Variants in TENM4 observed in about 807,000 individuals in gnomAD.
TENM4 encodes the protein teneurin-4.
TENM4 carries 82 observed loss-of-function variants against 243.3 expected under a neutral mutation model. The observed-to-expected ratio is 0.34, with a 90% CI of 0.28 to 0.40. The LOEUF (loss-of-function observed/expected upper bound fraction) is 0.40. Among genes scored for constraint, TENM4 ranks in the 10% least tolerant of loss-of-function variants. TENM4 has a pLI of 1.00. For synonymous variants in TENM4, 1,412 were observed against 1,456.3 expected, an observed-to-expected ratio of 0.97 and a Z score of 0.69; for missense variants, 3,138 against 3,673.3, an observed-to-expected ratio of 0.85 and a Z score of 3.77.
At chr11:78,891,796 T>A (rs1336767218) in intron 7 of TENM4, among the ~76,000 whole-genome samples, 9 of 152,170 alleles carry the variant, frequency 5.9e-5, no homozygotes, top group Admixed American at 5.9e-4. Flanking sequence ...CTGTGCTCTC[T>A]CTCTCTACTT....
At chr11:79,179,120 A>G (rs79079881) in intron 3 of TENM4, among the ~76,000 whole-genome samples, 8,065 of 152,298 alleles carry the variant, frequency 0.053, 281 homozygotes, top group African/African-American at 0.094. Context: ...ATGATGATAT[A>G]CTATATTTTG....
Position 78,670,667 on chromosome 11 carries a change from A to G in TENM4, c.5794-116T>C, listed in dbSNP as rs931553771. ...TGTCCAAGGAGAATCCTGAGTTTCCATGGTTCTCTTGAGTTATGCTCCAAC... is the reference window on the plus strand; with the variant it reads ...TGTCCAAGGAGAATCCTGAGTTTCCGTGGTTCTCTTGAGTTATGCTCCAAC... On this transcript the variant is annotated intron_variant, in intron 31 of 33. Coordinates refer to ENST00000278550, the MANE Select transcript of TENM4 (RefSeq NM_001098816.3). 7 of 1,076,176 alleles carry G rather than the reference A, an allele frequency of 6.5e-6. No homozygotes were observed. The Admixed American group carries it at 9.6e-5, about 15-fold the overall frequency. The allele number at this position is 1,076,176 out of a possible 1,614,324, so 66.7% of individuals were successfully genotyped here.
At chr11:78,687,937 G>A in intron 29 of TENM4, 117 bp downstream of exon 29, 1 of 1,227,572 alleles carries the variant, frequency 8.1e-7, no homozygotes, top group Non-Finnish European at 1.1e-6. Context: ...ACAGAGAGTT[G>A]CAATGCTTTC....
intron 6 of TENM4, among the ~76,000 whole-genome samples, chr11:79,001,377 C>T (rs531363290): frequency 3.2e-4 from 48 of 152,126 alleles, no homozygotes; most frequent in African/African-American, 1.0e-3. Flanking sequence ...GGCTACTGAG[C>T]ACCAGCCTGG....
chr11:79,217,724 A>ATT (rs780243326), intron 2 of TENM4, among the ~76,000 whole-genome samples: 1 of 145,732 alleles, frequency 6.9e-6, no homozygotes, highest in Non-Finnish European at 1.5e-5. Context: ...TCAGGGTAGA[A>ATT]TTTTTTTTTT....
intron 6 of TENM4, among the ~76,000 whole-genome samples, chr11:79,000,728 T>A (rs201699843): frequency 1.3e-5 from 2 of 152,042 alleles, no homozygotes; most frequent in East Asian, 3.9e-4. Context: ...GACAGGGAAG[T>A]TATCAAAAGC....
At chr11:78,934,140 G>C (rs1856731286) in intron 6 of TENM4, among the ~76,000 whole-genome samples, 1 of 152,186 alleles carries the variant, frequency 6.6e-6, no homozygotes, top group African/African-American at 2.4e-5. Context: ...CTGAGGGAAT[G>C]CTGCCTGGGG....
intron 6 of TENM4, among the ~76,000 whole-genome samples, chr11:78,936,014 A>T (rs1186965121): frequency 2.0e-5 from 3 of 152,182 alleles, no homozygotes; most frequent in African/African-American, 7.2e-5. Flanking sequence ...AATTCACTTA[A>T]TGTAACAGTT....
chr11:78,744,151 G>C (rs1462657477), intron 19 of TENM4, among the ~76,000 whole-genome samples: 1 of 152,216 alleles, frequency 6.6e-6, no homozygotes, highest in Admixed American at 6.5e-5. Flanking sequence ...CCTCACTTCA[G>C]AGCCTGTTAA....
At chr11:79,271,391 C>T (rs1279490724) in intron 2 of TENM4, among the ~76,000 whole-genome samples, 2 of 152,174 alleles carry the variant, frequency 1.3e-5, no homozygotes, top group African/African-American at 2.4e-5. Context: ...GTTCTCTTGC[C>T]ATTTATTTGC....
intron 3 of TENM4, among the ~76,000 whole-genome samples, chr11:79,171,472 T>C (rs1229869261): frequency 6.6e-6 from 1 of 152,206 alleles, no homozygotes; most frequent in Non-Finnish European, 1.5e-5. Flanking sequence ...AAGTGGTTAG[T>C]GCCTAAACAA....
intron 6 of TENM4, among the ~76,000 whole-genome samples, chr11:79,041,368 T>A (rs1220390874): frequency 6.6e-6 from 1 of 152,110 alleles, no homozygotes; most frequent in Non-Finnish European, 1.5e-5. Flanking sequence ...CCGGCCTCAT[T>A]TGTCTCTTGA....
intron 17 of TENM4, among the ~76,000 whole-genome samples, chr11:78,774,670 G>A (rs1282862729): frequency 6.6e-6 from 1 of 152,174 alleles, no homozygotes; most frequent in African/African-American, 2.4e-5. Flanking sequence ...AATATGGGGG[G>A]AGTTGGGAAA....
At position 78,883,107 on chromosome 11, in the gene TENM4, T is replaced by G. The variant is rs185967770; in HGVS notation, c.1084+6678A>C. 6.9e-3 allele frequency among the ~76,000 whole-genome samples: 1,056 copies of G among 152,348 alleles called. 6 individuals are homozygous for G. The highest frequency in any genetic ancestry group is 0.011 in the Non-Finnish European group (766 of 68,032). On this transcript the variant is annotated intron_variant, in intron 9 of 33. Coordinates refer to ENST00000278550, the MANE Select transcript of TENM4 (RefSeq NM_001098816.3). ...ACAGGACAATCCACTCCTGCCACAC[T>G]GTGGGTGAGGTCCAAGGACGGGTAA...
intron 1 of TENM4, among the ~76,000 whole-genome samples, chr11:79,407,352 T>C (rs1431546796): frequency 2.6e-5 from 4 of 152,256 alleles, no homozygotes; most frequent in African/African-American, 9.6e-5. Flanking sequence ...AAACTGTTAC[T>C]AATAATAGCT....
chr11:78,759,885 C>A (rs550902673), intron 18 of TENM4, among the ~76,000 whole-genome samples: 2 of 152,286 alleles, frequency 1.3e-5, no homozygotes, highest in African/African-American at 4.8e-5. Flanking sequence ...GAACTCAGTT[C>A]TTTCTGAGGC....
chr11:79,081,791 C>T (rs543283720), intron 4 of TENM4, among the ~76,000 whole-genome samples: 3 of 152,190 alleles, frequency 2.0e-5, no homozygotes, highest in African/African-American at 4.8e-5. Context: ...AAGAAAATTT[C>T]TGTTTTTATC....
intron 6 of TENM4, among the ~76,000 whole-genome samples, chr11:79,033,614 C>T (rs1412850878): frequency 2.0e-5 from 3 of 152,176 alleles, no homozygotes; most frequent in Non-Finnish European, 2.9e-5. Flanking sequence ...AGTCTCTTTC[C>T]AGTGGGTCAA....
intron 6 of TENM4, among the ~76,000 whole-genome samples, chr11:78,952,797 C>A (rs1857131786): frequency 6.6e-6 from 1 of 152,122 alleles, no homozygotes; most frequent in Non-Finnish European, 1.5e-5. Context: ...AGCAAACTCC[C>A]CAGGTTGCTA....
Sources: allele counts gnomAD v4.1 joint callset (sites outside exome capture counted in the v4.1 genomes callset), GRCh38; gene constraint gnomAD v4.1.1; transcripts MANE v1.5; gene names NCBI Gene and HGNC (gene_info 2026-07-23, HGNC 2026-07-21).